NR2C2: variants seen among roughly 807,000 people sequenced by gnomAD.
The protein encoded by NR2C2 is nuclear receptor subfamily 2 group C member 2.
NR2C2 carries 6 observed loss-of-function variants against 62.9 expected under a neutral mutation model. That is an observed-to-expected ratio of 0.10 (90% CI 0.05 to 0.19). NR2C2 has a LOEUF of 0.19. Among genes scored for constraint, NR2C2 ranks in the 10% least tolerant of loss-of-function variants. The pLI is 1.00. For missense variants in NR2C2, 479 were observed against 762.7 expected (o/e 0.63, Z 4.38); for synonymous variants, 272 against 273.8 (o/e 0.99, Z 0.07).
chr3:15,013,519 T>C, intron 2 of NR2C2, 70 bp from the exon 3 acceptor site: 2 of 1,424,610 alleles, frequency 1.4e-6, no homozygotes, highest in Admixed American at 1.9e-5. Context: ...GTCACCACTT[T>C]GAGCACCACC....
intron 4 of NR2C2, among the ~76,000 whole-genome samples, chr3:15,016,551 G>C (rs2041516048): frequency 6.6e-6 from 1 of 152,200 alleles, no homozygotes; most frequent in Non-Finnish European, 1.5e-5. Context: ...GTTAACATTT[G>C]TACAGCACTT....
chr3:14,975,993 C>T (rs565130738), intron 1 of NR2C2, among the ~76,000 whole-genome samples: 2 of 152,148 alleles, frequency 1.3e-5, no homozygotes, highest in South Asian at 2.1e-4. Context: ...GGGCTGACCT[C>T]GAACTCCTGG....
At chr3:15,035,974 G>A (rs978022966) in intron 11 of NR2C2, among the ~76,000 whole-genome samples, 2 of 152,230 alleles carry the variant, frequency 1.3e-5, no homozygotes, top group African/African-American at 4.8e-5. Flanking sequence ...GTTGCAGTGA[G>A]CCGAGATCAC....
intron 2 of NR2C2, among the ~76,000 whole-genome samples, chr3:15,011,876 C>T (rs1348327302): frequency 6.6e-6 from 1 of 152,322 alleles, no homozygotes; most frequent in East Asian, 1.9e-4. Flanking sequence ...CCTAAAGTTG[C>T]ATCCCTGTCT....
At chr3:15,006,211 AT>A (rs1553564883) in intron 2 of NR2C2, among the ~76,000 whole-genome samples, 1 of 152,232 alleles carries the variant, frequency 6.6e-6, no homozygotes, top group Non-Finnish European at 1.5e-5. Flanking sequence ...TCTCAAAAAA[AT>A]AAAATAGTAA....
chr3:15,031,490 C>T (rs1052125226), intron 9 of NR2C2, among the ~76,000 whole-genome samples: 1 of 152,050 alleles, frequency 6.6e-6, no homozygotes, highest in Non-Finnish European at 1.5e-5. Flanking sequence ...GCCTCAGCCT[C>T]CCAAGTAGCT....
At chr3:15,034,597 A>C in intron 10 of NR2C2, 73 bp from the exon 11 acceptor site, 1 of 1,506,354 alleles carries the variant, frequency 6.6e-7, no homozygotes. Flanking sequence ...GCTGGGACTT[A>C]GTGCCTGGAT....
At chr3:14,975,497 T>C (rs982656360) in intron 1 of NR2C2, among the ~76,000 whole-genome samples, 2 of 152,232 alleles carry the variant, frequency 1.3e-5, no homozygotes, top group Admixed American at 6.5e-5. Context: ...GTTCATTCTT[T>C]TAATGAGAGG....
chr3:15,039,207 C>A lies in NR2C2; in HGVS notation c.1596C>A (p.Thr532=), dbSNP rs766893978. ...QMELQDYVQK[T]YSEDTYRLAR... is the part of the protein sequence containing the mutation. ...AGTTGCAGGACTATGTTCAGAAAAC[C>A]TACTCAGAAGACACCTACCGGTGAG... is the stretch of plus-strand genomic sequence containing the variant. The change falls in exon 13 of 14, where the codon ACC becomes ACA. Residue 532 remains threonine (T), a synonymous_variant. Coordinates refer to ENST00000425241, the MANE Select transcript of NR2C2 (RefSeq NM_001291694.2). 1.2e-6 allele frequency: 2 copies of A among 1,613,748 alleles called. No individual in the cohort carries two copies. The highest frequency in any genetic ancestry group is 1.7e-6 in the Non-Finnish European group (2 of 1,179,688).
chr3:15,017,210 T>A (rs1407910909), intron 4 of NR2C2, among the ~76,000 whole-genome samples: 2 of 152,146 alleles, frequency 1.3e-5, no homozygotes, highest in Admixed American at 6.5e-5. Context: ...CAGTTTCCCT[T>A]CCATGCTGGT....
At chr3:14,971,503 C>T (rs2040039064) in intron 1 of NR2C2, among the ~76,000 whole-genome samples, 1 of 151,680 alleles carries the variant, frequency 6.6e-6, no homozygotes, top group Non-Finnish European at 1.5e-5. Flanking sequence ...TCTGTATACC[C>T]AGAAGTGGAA....
At chr3:14,974,912 C>CT (rs1168736913) in intron 1 of NR2C2, among the ~76,000 whole-genome samples, 1 of 152,142 alleles carries the variant, frequency 6.6e-6, no homozygotes, top group African/African-American at 2.4e-5. Flanking sequence ...CCAGTGTATA[C>CT]TTACGTTTTA....
intron 2 of NR2C2, among the ~76,000 whole-genome samples, chr3:15,012,484 C>T (rs2041383750): frequency 6.6e-6 from 1 of 152,162 alleles, no homozygotes; most frequent in African/African-American, 2.4e-5. Flanking sequence ...CCTCGGCCTC[C>T]CAGAGTGTTG....
chr3:14,995,303 C>T (rs188314009), intron 1 of NR2C2, among the ~76,000 whole-genome samples: 94 of 145,722 alleles, frequency 6.5e-4, no homozygotes, highest in Admixed American at 6.4e-3. Context: ...AATTTCAGAA[C>T]ATTTTCTTTA....
intron 1 of NR2C2, among the ~76,000 whole-genome samples, chr3:14,997,407 T>C (rs1559553702): frequency 6.6e-6 from 1 of 152,252 alleles, no homozygotes; most frequent in African/African-American, 2.4e-5. Context: ...CAGAATTAAC[T>C]TGCAGACTAA....
intron 1 of NR2C2, among the ~76,000 whole-genome samples, chr3:14,958,819 T>G (rs2039603058): frequency 6.6e-6 from 1 of 151,960 alleles, no homozygotes; most frequent in African/African-American, 2.4e-5. Context: ...CTACTAAAAA[T>G]ACAAAAATTA....
rs1479173013 is a variant in NR2C2, at chr3:15,046,241, CTAAGA to C, written c.*3235_*3239del. On this transcript the variant is annotated 3_prime_UTR_variant, in exon 14 of 14. Coordinates refer to ENST00000425241, the MANE Select transcript of NR2C2 (RefSeq NM_001291694.2). ...TATTTAATTTCAGGTGTAGTCACTTCTAAGATGTGTAATTGCCCTCAAGAGGGACT... is the reference window on the plus strand; with the variant it reads ...TATTTAATTTCAGGTGTAGTCACTTCTGTGTAATTGCCCTCAAGAGGGACT... The C allele has an allele frequency of 6.6e-6, 1 of 152,154 alleles. No individual in the cohort carries two copies. The highest frequency in any genetic ancestry group is 1.5e-5 in the Non-Finnish European group (1 of 68,044). 9.4% of individuals were successfully genotyped at this position (152,154 alleles called of 1,614,324 possible). A position where few individuals can be genotyped will look rare whatever the true frequency, so the allele number is the denominator to read the frequency against.
intron 1 of NR2C2, among the ~76,000 whole-genome samples, chr3:14,960,214 T>C (rs1275705326): frequency 6.6e-6 from 1 of 152,256 alleles, no homozygotes; most frequent in Non-Finnish European, 1.5e-5. Flanking sequence ...TAAGGACTTC[T>C]GTTCATCAAA....
intron 2 of NR2C2, among the ~76,000 whole-genome samples, chr3:15,011,211 C>T (rs116088069): frequency 0.016 from 2,419 of 152,234 alleles, 71 homozygotes; most frequent in African/African-American, 0.054. Flanking sequence ...TGGTGGCACG[C>T]GCCTGTGGTC....
Sources: allele counts gnomAD v4.1 joint callset (sites outside exome capture counted in the v4.1 genomes callset), GRCh38; gene constraint gnomAD v4.1.1; transcripts MANE v1.5; gene names NCBI Gene and HGNC (gene_info 2026-07-23, HGNC 2026-07-21).